PTPA: variants seen among roughly 807,000 people sequenced by gnomAD.
The protein encoded by PTPA is serine/threonine-protein phosphatase 2A activator.
PTPA carries 13 observed loss-of-function variants against 43.6 expected under a neutral mutation model. That is an observed-to-expected ratio of 0.30 (90% CI 0.19 to 0.47). PTPA has a LOEUF of 0.47. Among genes scored for constraint, PTPA ranks in the 20% least tolerant of loss-of-function variants. The pLI, the probability that PTPA is intolerant of heterozygous loss-of-function variation, is 0.99. For missense variants in PTPA, 329 were observed against 411.9 expected (o/e 0.80, Z 1.74); for synonymous variants, 172 against 158.2 (o/e 1.09, Z -0.66).
rs1367611222 is a variant in PTPA at position 129,147,557 on chromosome 9, C to T, written c.*93C>T. ...CCCCTCCCCATCCCCTCCCTCTGTT[C>T]GTCCCGTTTGATGAGAGGCTGTTTA... On this transcript the variant is annotated 3_prime_UTR_variant, in exon 10 of 10. Coordinates refer to ENST00000393370, the MANE Select transcript of PTPA (RefSeq NM_178000.3). 37 of 1,341,578 alleles carry T rather than the reference C, an allele frequency of 2.8e-5. No individual in the cohort carries two copies. The highest frequency in any genetic ancestry group is 1.5e-4 in the Admixed American group (8 of 53,722). The allele number at this position is 1,341,578 out of a possible 1,614,324, so 83.1% of individuals were successfully genotyped here.
At chr9:129,142,316 C>A in intron 8 of PTPA, 129 bp from the exon 9 acceptor site, 1 of 818,898 alleles carries the variant, frequency 1.2e-6, no homozygotes, top group Non-Finnish European at 1.9e-6. Flanking sequence ...AGTGTCTGCG[C>A]GTGCATTGTG....
intron 2 of PTPA, among the ~76,000 whole-genome samples, chr9:129,122,792 C>G (rs115361324): frequency 2.0e-5 from 3 of 152,226 alleles, no homozygotes; most frequent in Admixed American, 6.5e-5. Context: ...AAAAAAACTG[C>G]TGGCAGCAAT....
At chr9:129,139,948 G>A (rs989591459) in intron 8 of PTPA, 1 of 152,266 alleles carries the variant, frequency 6.6e-6, no homozygotes, top group Non-Finnish European at 1.5e-5. Context: ...AGGGCAGGCA[G>A]GAAAAGAATT....
chr9:129,124,275 C>G (rs1306140373), intron 3 of PTPA, among the ~76,000 whole-genome samples: 2 of 152,094 alleles, frequency 1.3e-5, no homozygotes, highest in African/African-American at 4.8e-5. Context: ...AACTCCTGGG[C>G]TCAAGCAGTC....
At chr9:129,134,919 G>C in intron 6 of PTPA, 25 bp downstream of exon 6, 5 of 1,596,366 alleles carry the variant, frequency 3.1e-6, no homozygotes, top group Non-Finnish European at 4.3e-6. Context: ...AGGAGGGTTG[G>C]AGGAGGGGGC....
Position 129,111,459 on chromosome 9 carries a change from T to G in PTPA, c.-142T>G. Reference sequence around the variant, plus strand: ...TCGCTGTGGTGACTTTAACTCTCGGTTTTCGGTTATAGCCGGCCGGCGCTC... The same window carrying G: ...TCGCTGTGGTGACTTTAACTCTCGGGTTTCGGTTATAGCCGGCCGGCGCTC... On this transcript the variant is annotated 5_prime_UTR_variant, in exon 1 of 10. Transcript: ENST00000393370. The G allele has an allele frequency of 4.0e-6, 5 of 1,247,626 alleles. No homozygotes were observed. Among genetic ancestry groups the G allele is most frequent in the African/African-American group, 1.6e-5 (1 of 64,100 alleles). 77.3% of individuals were successfully genotyped at this position (1,247,626 alleles called of 1,614,324 possible). A position where few individuals can be genotyped will look rare whatever the true frequency, so the allele number is the denominator to read the frequency against.
rs187130479 is a variant in PTPA, at chr9:129,136,852, G to C, written c.685+257G>C. On this transcript the variant is annotated intron_variant, in intron 7 of 9. Transcript: ENST00000393370. ...ATAATGGGAAGTGACATGGGCTGGA[G>C]CAAGGGCGCACGCCTGGTGCATAAT... Among the ~76,000 whole-genome samples the C allele has an allele frequency of 2.3e-3, 345 of 152,390 alleles. 2 individuals are homozygous for C. Among genetic ancestry groups the C allele is most frequent in the South Asian group, 5.2e-3 (25 of 4,832 alleles).
intron 8 of PTPA, among the ~76,000 whole-genome samples, chr9:129,141,244 A>G (rs773832306): frequency 4.6e-5 from 7 of 152,178 alleles, no homozygotes; most frequent in Non-Finnish European, 8.8e-5. Context: ...GTGGCAGCCC[A>G]TGGCTCAAGA....
At chr9:129,138,148 G>A (rs548607380) in intron 8 of PTPA, 7 of 232,170 alleles carry the variant, frequency 3.0e-5, no homozygotes, top group Non-Finnish European at 5.2e-5. Flanking sequence ...GAAGGGACAC[G>A]TCTCTGTCAG....
intron 8 of PTPA, 178 bp from the exon 9 acceptor site, chr9:129,142,267 A>G (rs1364545454): frequency 3.9e-6 from 2 of 510,516 alleles, no homozygotes; most frequent in East Asian, 3.2e-5. Context: ...GCCTGTTTGT[A>G]TGTTTGCCCC....
chr9:129,129,881 G>C (rs1482662951), intron 4 of PTPA, among the ~76,000 whole-genome samples: 1 of 152,138 alleles, frequency 6.6e-6, no homozygotes, highest in Non-Finnish European at 1.5e-5. Flanking sequence ...TGAGTAGGTT[G>C]GGCAACATAG....
At chr9:129,146,830 C>A (rs980341551) in intron 9 of PTPA, among the ~76,000 whole-genome samples, 1 of 152,198 alleles carries the variant, frequency 6.6e-6, no homozygotes, top group Non-Finnish European at 1.5e-5. Context: ...CCCTGTTCAG[C>A]GCTCTTTTTC....
At chr9:129,121,914 C>T (rs1849271272) in intron 2 of PTPA, among the ~76,000 whole-genome samples, 2 of 152,190 alleles carry the variant, frequency 1.3e-5, no homozygotes, top group Admixed American at 1.3e-4. Flanking sequence ...CATCCCATGG[C>T]TGGCAGGAGG....
intron 8 of PTPA, chr9:129,137,962 C>T: frequency 2.2e-6 from 1 of 454,708 alleles, no homozygotes; most frequent in Non-Finnish European, 4.2e-6. Flanking sequence ...ACTAACTGGC[C>T]TTGGTGACTG....
At chr9:129,135,128 C>T (rs552487304) in intron 6 of PTPA, among the ~76,000 whole-genome samples, 4 of 152,360 alleles carry the variant, frequency 2.6e-5, no homozygotes, top group African/African-American at 7.2e-5. Context: ...GGCGCGGTGG[C>T]TCACGCCTGT....
At chr9:129,143,597 G>C in intron 9 of PTPA, 1 of 618,022 alleles carries the variant, frequency 1.6e-6, no homozygotes, top group Non-Finnish European at 2.9e-6. Flanking sequence ...CCCTGCACTT[G>C]GTCCTGAAGG....
intron 3 of PTPA, among the ~76,000 whole-genome samples, chr9:129,128,757 ACCCCGTC>A (rs1849752313): frequency 6.6e-6 from 1 of 152,078 alleles, no homozygotes; most frequent in African/African-American, 2.4e-5. Flanking sequence ...TGCTAAAGCC[ACCCCGTC>A]CCTGTCCCAT....
intron 3 of PTPA, among the ~76,000 whole-genome samples, chr9:129,127,216 G>T (rs1290475088): frequency 6.6e-6 from 1 of 152,144 alleles, no homozygotes; most frequent in Non-Finnish European, 1.5e-5. Flanking sequence ...TAGATAAAGG[G>T]GAGATAAGAG....
In PTPA at chr9:129,111,466, T is replaced by C. The variant is rs1848477372; in HGVS notation, c.-135T>C. On this transcript the variant is annotated 5_prime_UTR_variant, in exon 1 of 10. Coordinates refer to ENST00000393370, the MANE Select transcript of PTPA (RefSeq NM_178000.3). ...GGTGACTTTAACTCTCGGTTTTCGG[T>C]TATAGCCGGCCGGCGCTCACTTGTC... is the stretch of plus-strand genomic sequence containing the variant. 5.6e-6 allele frequency: 7 copies of C among 1,259,840 alleles called. No individual in the cohort carries two copies. The South Asian group carries it at 2.5e-4, about 44-fold the overall frequency. 78.0% of individuals were successfully genotyped at this position (1,259,840 alleles called of 1,614,324 possible). A position where few individuals can be genotyped will look rare whatever the true frequency, so the allele number is the denominator to read the frequency against.
Sources: gnomAD v4.1 joint callset for allele counts (sites outside exome capture counted in the v4.1 genomes callset) on GRCh38, gnomAD v4.1.1 for gene constraint, MANE v1.5 for transcripts, NCBI Gene and HGNC (gene_info 2026-07-23, HGNC 2026-07-21) for gene names.